Variants in SPSB4 observed in about 807,000 individuals in gnomAD.
SPSB4 encodes splA/ryanodine receptor domain and SOCS box containing 4, also known as SPRY domain-containing SOCS box protein 4.
Under a neutral mutation model 20.9 loss-of-function variants are expected in SPSB4, and 21 were observed. The observed-to-expected ratio is 1.01, with a 90% CI of 0.71 to 1.45. SPSB4 has a LOEUF of 1.45. Among genes scored for constraint, SPSB4 ranks in the 40% most tolerant of loss-of-function variants. The pLI is 0.00. For synonymous variants in SPSB4, 207 were observed against 183.8 expected, an observed-to-expected ratio of 1.13 and a Z score of -1.02; for missense variants, 399 against 399.2, an observed-to-expected ratio of 1.00 and a Z score of 0.00.
chr3:141,055,703 G>A (rs988291156), intron 1 of SPSB4, among the ~76,000 whole-genome samples: 2 of 152,170 alleles, frequency 1.3e-5, no homozygotes, highest in Admixed American at 6.5e-5. Flanking sequence ...ACAGTGACAT[G>A]CAGAGGAACC....
At chr3:141,094,810 A>G (rs993076573) in intron 2 of SPSB4, among the ~76,000 whole-genome samples, 1 of 111,764 alleles carries the variant, frequency 8.9e-6, no homozygotes, top group Non-Finnish European at 1.7e-5. Flanking sequence ...GCAGCCCTCA[A>G]TCACTGTCTG....
chr3:141,100,928 A>G (rs1231880336), intron 2 of SPSB4, among the ~76,000 whole-genome samples: 1 of 152,126 alleles, frequency 6.6e-6, no homozygotes, highest in African/African-American at 2.4e-5. Flanking sequence ...GTCCCTGTGA[A>G]GTGGTTGGAG....
intron 2 of SPSB4, among the ~76,000 whole-genome samples, chr3:141,110,419 C>G (rs925537420): frequency 2.6e-5 from 4 of 152,194 alleles, no homozygotes; most frequent in African/African-American, 7.2e-5. Context: ...TTGCCACATA[C>G]TGCCTTGGAG....
intron 2 of SPSB4, among the ~76,000 whole-genome samples, chr3:141,135,621 C>G (rs2107806092): frequency 6.6e-6 from 1 of 151,688 alleles, no homozygotes; most frequent in Admixed American, 6.6e-5. Context: ...TGATAGTTTG[C>G]TGAGAATGAT....
intron 2 of SPSB4, among the ~76,000 whole-genome samples, chr3:141,075,495 A>G (rs1210885027): frequency 6.6e-6 from 1 of 152,092 alleles, no homozygotes; most frequent in Admixed American, 6.5e-5. Flanking sequence ...GGGCATAGTG[A>G]TGGCACTTAC....
chr3:141,105,916 C>T lies in SPSB4; in HGVS notation c.694+39118C>T, dbSNP rs117780574. The stretch of plus-strand genomic sequence containing the variant: ...AGATACACTTTCATAAAAGAGAATC[C>T]GTGATGGCCACTTAAAATTCCACAC... On this transcript the variant is annotated intron_variant, in intron 2 of 2. Transcript: ENST00000310546. 7.0e-4 allele frequency among the ~76,000 whole-genome samples: 107 copies of T among 152,276 alleles called. 3 individuals are homozygous for T. In the East Asian group the frequency reaches 0.02, roughly 29 times the overall value.
At chr3:141,144,808 A>C (rs1189839857) in intron 2 of SPSB4, among the ~76,000 whole-genome samples, 2 of 152,228 alleles carry the variant, frequency 1.3e-5, no homozygotes, top group Admixed American at 1.3e-4. Context: ...GGGTTTGCTG[A>C]CAAGGCTAAG....
At chr3:141,101,716 A>G (rs2107795437) in intron 2 of SPSB4, among the ~76,000 whole-genome samples, 2 of 152,320 alleles carry the variant, frequency 1.3e-5, no homozygotes, top group South Asian at 4.2e-4. Context: ...GGACACCTAA[A>G]TTCTTTCCCA....
At chr3:141,117,056 A>G (rs1006791108) in intron 2 of SPSB4, 1 of 152,256 alleles carries the variant, frequency 6.6e-6, no homozygotes, top group Non-Finnish European at 1.5e-5. Context: ...TTGATGTAGA[A>G]GCATCCTACC....
At chr3:141,109,985 A>G (rs1938768930) in intron 2 of SPSB4, among the ~76,000 whole-genome samples, 1 of 151,730 alleles carries the variant, frequency 6.6e-6, no homozygotes, top group Non-Finnish European at 1.5e-5. Flanking sequence ...CCACAGCCTC[A>G]CTCCCTCCAT....
At chr3:141,056,897 TTGC>T (rs1937656005) in intron 1 of SPSB4, among the ~76,000 whole-genome samples, 1 of 152,258 alleles carries the variant, frequency 6.6e-6, no homozygotes, top group African/African-American at 2.4e-5. Flanking sequence ...CTTGCAGAGC[TTGC>T]TGCCCTGGTC....
At chr3:141,123,242 A>G (rs1023819967) in intron 2 of SPSB4, among the ~76,000 whole-genome samples, 1 of 152,192 alleles carries the variant, frequency 6.6e-6, no homozygotes, top group Non-Finnish European at 1.5e-5. Context: ...TTATAATTTA[A>G]TGCATACCCA....
At chr3:141,122,757 G>C (rs904193286) in intron 2 of SPSB4, among the ~76,000 whole-genome samples, 1 of 152,248 alleles carries the variant, frequency 6.6e-6, no homozygotes, top group South Asian at 2.1e-4. Flanking sequence ...GCCAGGCACG[G>C]GAGGGAATTT....
At chr3:141,134,049 C>CTTTTTTTTTTTTTTTTTTTTTTTTTT (rs1939184001) in intron 2 of SPSB4, among the ~76,000 whole-genome samples, 2 of 63,894 alleles carry the variant, frequency 3.1e-5, no homozygotes, top group Non-Finnish European at 5.9e-5. Flanking sequence ...TTTTTTTTTT[C>CTTTTTTTTTTTTTTTTTTTTTTTTTT]TTTTTTCTTT....
intron 1 of SPSB4, among the ~76,000 whole-genome samples, chr3:141,058,475 C>T (rs1373130642): frequency 2.0e-5 from 3 of 152,168 alleles, no homozygotes; most frequent in East Asian, 3.8e-4. Context: ...CATCCTTTGG[C>T]GTTCTTCAGG....
At chr3:141,138,603 A>G (rs1939270338) in intron 2 of SPSB4, among the ~76,000 whole-genome samples, 1 of 152,184 alleles carries the variant, frequency 6.6e-6, no homozygotes, top group Non-Finnish European at 1.5e-5. Context: ...CCCAGTAGTC[A>G]TTCAGGAGCA....
At chr3:141,084,166 G>GT (rs1409677631) in intron 2 of SPSB4, among the ~76,000 whole-genome samples, 2 of 152,234 alleles carry the variant, frequency 1.3e-5, no homozygotes, top group Non-Finnish European at 2.9e-5. Context: ...CAGGGAGACA[G>GT]TAGGCACACG....
At chr3:141,120,110 T>C (rs1451791821) in intron 2 of SPSB4, among the ~76,000 whole-genome samples, 1 of 152,224 alleles carries the variant, frequency 6.6e-6, no homozygotes, top group East Asian at 1.9e-4. Flanking sequence ...TTCTGGTACA[T>C]TCTGTCTTTG....
chr3:141,110,784 T>A (rs1938784087), intron 2 of SPSB4, among the ~76,000 whole-genome samples: 1 of 152,202 alleles, frequency 6.6e-6, no homozygotes, highest in South Asian at 2.1e-4. Flanking sequence ...TGGCCACACC[T>A]AACTTCAAGT....
Sources: allele counts gnomAD v4.1 joint callset (sites outside exome capture counted in the v4.1 genomes callset), GRCh38; gene constraint gnomAD v4.1.1; transcripts MANE v1.5; gene names NCBI Gene and HGNC (gene_info 2026-07-23, HGNC 2026-07-21).